CNTNAP2: variants seen among roughly 807,000 people sequenced by gnomAD.
CNTNAP2 encodes the protein contactin associated protein 2.
In CNTNAP2, 98 loss-of-function variants were observed where a neutral mutation model predicts 155.2. The ratio of observed to expected loss-of-function variants is 0.63; its 90% CI spans 0.54 to 0.75. CNTNAP2 has a LOEUF of 0.75. Ranked by LOEUF, CNTNAP2 falls within the 30% of genes least tolerant of loss-of-function variation. The pLI, the probability that CNTNAP2 is intolerant of heterozygous loss-of-function variation, is 0.00. For missense variants in CNTNAP2, 1,727 were observed against 1,688.1 expected (o/e 1.02, Z -0.40); for synonymous variants, 651 against 631.2 (o/e 1.03, Z -0.47).
At chr7:147,094,686 A>C (rs1800490285) in intron 4 of CNTNAP2, among the ~76,000 whole-genome samples, 1 of 151,542 alleles carries the variant, frequency 6.6e-6, no homozygotes. Flanking sequence ...GATTATTATT[A>C]TTATTTTTTT....
Position 147,851,629 on chromosome 7 carries a change from A to G in CNTNAP2, c.2099-51936A>G, listed in dbSNP as rs533157692. ...CTTTGCAGGGCCATGGAGAAGCTGG[A>G]AACCATCATTCTCAGCAAACTATCA... is the stretch of plus-strand genomic sequence containing the variant. On this transcript the variant is annotated intron_variant, in intron 13 of 23. Coordinates refer to ENST00000361727, the MANE Select transcript of CNTNAP2 (RefSeq NM_014141.6). Among the ~76,000 whole-genome samples the G allele has an allele frequency of 2.6e-4, 40 of 152,210 alleles. 2 individuals carry two copies. In the South Asian group the frequency reaches 7.7e-3, roughly 29 times the overall value.
intron 9 of CNTNAP2, among the ~76,000 whole-genome samples, chr7:147,375,003 C>T (rs1479843): frequency 0.39 from 59,316 of 151,694 alleles, 12,035 homozygotes; most frequent in African/African-American, 0.43. Context: ...TTCCCCGATG[C>T]TGTTCTCATG....
rs150338629 is a variant in CNTNAP2, at chr7:147,248,287, G to C, written c.1349-51854G>C. On this transcript the variant is annotated intron_variant, in intron 8 of 23. Coordinates refer to ENST00000361727, the MANE Select transcript of CNTNAP2 (RefSeq NM_014141.6). ...ACAGAGGTTTAAAGTTTTTAGCAGT[G>C]AAAGTTTTATATAGTTAAAAGAGAC... Among the ~76,000 whole-genome samples, 542 of 152,284 alleles carry C rather than the reference G, an allele frequency of 3.6e-3. 4 individuals are homozygous for C. Among genetic ancestry groups the C allele is most frequent in the African/African-American group, 0.012 (513 of 41,556 alleles).
chr7:147,128,027 G>A (rs1474866159), intron 6 of CNTNAP2, among the ~76,000 whole-genome samples: 1 of 152,070 alleles, frequency 6.6e-6, no homozygotes, highest in Non-Finnish European at 1.5e-5. Flanking sequence ...ATAGCAGCCA[G>A]AGAAACACAG....
chr7:147,938,029 A>G (rs1365450225), intron 14 of CNTNAP2, among the ~76,000 whole-genome samples: 1 of 152,164 alleles, frequency 6.6e-6, no homozygotes, highest in Non-Finnish European at 1.5e-5. Context: ...GGTGGGGGAA[A>G]TGACTTTCAG....
intron 1 of CNTNAP2, among the ~76,000 whole-genome samples, chr7:146,558,290 C>CATT (rs1412484939): frequency 3.3e-5 from 5 of 152,026 alleles, no homozygotes; most frequent in African/African-American, 1.2e-4. Context: ...TTATGTCACT[C>CATT]ATGAAACATT....
At chr7:146,953,167 T>C (rs991511263) in intron 3 of CNTNAP2, among the ~76,000 whole-genome samples, 1 of 152,130 alleles carries the variant, frequency 6.6e-6, no homozygotes, top group Middle Eastern at 3.4e-3. Flanking sequence ...GAGTAATCAA[T>C]AGCAGGTGAT....
intron 8 of CNTNAP2, among the ~76,000 whole-genome samples, chr7:147,205,408 T>C (rs1489146727): frequency 6.6e-6 from 1 of 152,170 alleles, no homozygotes; most frequent in East Asian, 1.9e-4. Context: ...ATGTTATTGG[T>C]ACTTTGAAAC....
chr7:146,961,686 T>C (rs1797560482), intron 3 of CNTNAP2, among the ~76,000 whole-genome samples: 1 of 152,134 alleles, frequency 6.6e-6, no homozygotes, highest in Non-Finnish European at 1.5e-5. Flanking sequence ...GCGGCTGATA[T>C]TGTTGAGCTA....
intron 14 of CNTNAP2, among the ~76,000 whole-genome samples, chr7:147,931,729 A>C (rs1222299767): frequency 6.6e-6 from 1 of 152,212 alleles, no homozygotes; most frequent in Non-Finnish European, 1.5e-5. Flanking sequence ...ATTGATGAAA[A>C]AAATTAAAGA....
chr7:148,013,242 C>T (rs949933669), intron 15 of CNTNAP2: 1 of 152,224 alleles, frequency 6.6e-6, no homozygotes, highest in Admixed American at 6.5e-5. Context: ...CAAGGACTTT[C>T]TTCCATGCAG....
intron 4 of CNTNAP2, among the ~76,000 whole-genome samples, chr7:147,053,173 T>C (rs1048739826): frequency 6.6e-6 from 1 of 152,064 alleles, no homozygotes; most frequent in Non-Finnish European, 1.5e-5. Flanking sequence ...GGTATAAGCC[T>C]TTTTTGCAGG....
chr7:147,970,497 C>A (rs538397259), intron 14 of CNTNAP2, among the ~76,000 whole-genome samples: 2 of 151,994 alleles, frequency 1.3e-5, no homozygotes, highest in Admixed American at 6.6e-5. Flanking sequence ...GGTCAAGGTG[C>A]GCAGATCACT....
At chr7:147,628,463 A>C (rs1360770219) in intron 12 of CNTNAP2, among the ~76,000 whole-genome samples, 1 of 152,192 alleles carries the variant, frequency 6.6e-6, no homozygotes, top group Admixed American at 6.6e-5. Context: ...AGCCAGCGCT[A>C]TAAGAAATGC....
intron 1 of CNTNAP2, among the ~76,000 whole-genome samples, chr7:146,710,206 GACACAAAC>G (rs1243569889): frequency 3.3e-5 from 5 of 152,162 alleles, no homozygotes; most frequent in Non-Finnish European, 5.9e-5. Flanking sequence ...ACAGAACCAG[GACACAAAC>G]ACAAAATCTA....
At chr7:147,568,120 G>C (rs1234053482) in intron 12 of CNTNAP2, among the ~76,000 whole-genome samples, 1 of 151,712 alleles carries the variant, frequency 6.6e-6, no homozygotes, top group Non-Finnish European at 1.5e-5. Context: ...AAAAATCTTT[G>C]TCTCGGGTTT....
At chr7:147,649,021 G>A (rs1297603802) in intron 13 of CNTNAP2, among the ~76,000 whole-genome samples, 2 of 152,008 alleles carry the variant, frequency 1.3e-5, no homozygotes, top group South Asian at 4.2e-4. Context: ...TTTCTTTTTT[G>A]TGTGCATGAT....
At chr7:146,534,653 T>C (rs1797819818) in intron 1 of CNTNAP2, among the ~76,000 whole-genome samples, 1 of 152,028 alleles carries the variant, frequency 6.6e-6, no homozygotes, top group Non-Finnish European at 1.5e-5. Context: ...TGTTGTAAAA[T>C]GCAGTTACAT....
At chr7:146,561,215 C>A (rs1317240034) in intron 1 of CNTNAP2, among the ~76,000 whole-genome samples, 1 of 152,112 alleles carries the variant, frequency 6.6e-6, no homozygotes, top group East Asian at 1.9e-4. Flanking sequence ...GGAACTACCC[C>A]CTCTAGGTCA....
Sources: allele counts gnomAD v4.1 joint callset (sites outside exome capture counted in the v4.1 genomes callset), GRCh38; gene constraint gnomAD v4.1.1; transcripts MANE v1.5; gene names NCBI Gene and HGNC (gene_info 2026-07-23, HGNC 2026-07-21).